STAU2: variants seen among roughly 807,000 people sequenced by gnomAD.
STAU2 encodes the protein double-stranded RNA-binding protein Staufen homolog 2.
A neutral mutation model predicts 65.9 loss-of-function variants in STAU2; 20 were observed. That is an observed-to-expected ratio of 0.30 (90% confidence interval 0.21 to 0.44). The LOEUF is 0.44. STAU2 is among the 20% of genes least tolerant of loss of function. The probability of loss-of-function intolerance (pLI) is 1.00; values close to 1 mark genes in which losing one functional copy is unlikely to be tolerated. For synonymous variants in STAU2, 232 were observed against 233.9 expected (o/e 0.99, Z 0.07); for missense variants, 558 against 683.9 (o/e 0.82, Z 2.05).
chr8:73,637,493 A>G (rs909668693), intron 6 of STAU2, among the ~76,000 whole-genome samples: 27 of 141,994 alleles, frequency 1.9e-4, no homozygotes, highest in Admixed American at 8.4e-4. Flanking sequence ...AAAAAAAAAA[A>G]AAAAAAAAAA....
At chr8:73,623,128 G>C (rs1813384721) in intron 6 of STAU2, among the ~76,000 whole-genome samples, 1 of 152,066 alleles carries the variant, frequency 6.6e-6, no homozygotes, top group Non-Finnish European at 1.5e-5. Flanking sequence ...TTGAGTAAAG[G>C]AAAGATTTTA....
chr8:73,429,506 C>T (rs186491293), intron 13 of STAU2, among the ~76,000 whole-genome samples: 166 of 134,692 alleles, frequency 1.2e-3, no homozygotes, highest in African/African-American at 4.4e-3. Flanking sequence ...GATCATGGCT[C>T]GCTGCAGCCT....
intron 3 of STAU2, among the ~76,000 whole-genome samples, chr8:73,724,102 C>T (rs1179810482): frequency 6.6e-6 from 1 of 152,194 alleles, no homozygotes; most frequent in African/African-American, 2.4e-5. Flanking sequence ...ATGTCACATC[C>T]TGGAAAATCT....
At chr8:73,664,554 T>C (rs1160359671) in intron 6 of STAU2, among the ~76,000 whole-genome samples, 2 of 152,250 alleles carry the variant, frequency 1.3e-5, no homozygotes, top group Non-Finnish European at 2.9e-5. Context: ...GATACTGATA[T>C]GGTTGTTCTC....
In STAU2 at chr8:73,617,274, C is replaced by A; in HGVS notation, c.570+18G>T. 1 of 1,610,352 alleles carries A rather than the reference C, an allele frequency of 6.2e-7. No homozygotes were observed. Among genetic ancestry groups the A allele is most frequent in the Middle Eastern group, 1.7e-4 (1 of 5,850 alleles). On this transcript the variant is annotated intron_variant, in intron 7 of 14. Coordinates refer to ENST00000524300, the MANE Select transcript of STAU2 (RefSeq NM_001164380.2). ...GGAAAGTAGAAAGAACAGACTGTCA[C>A]ATGCAGCAGCACCACACCTGAGGAG...
chr8:73,599,028 AC>A (rs1811428740), intron 10 of STAU2, among the ~76,000 whole-genome samples: 1 of 152,244 alleles, frequency 6.6e-6, no homozygotes, highest in Non-Finnish European at 1.5e-5. Flanking sequence ...TGAAGACAAT[AC>A]TAATGTAATA....
chr8:73,542,953 A>G (rs1268465532), intron 13 of STAU2, among the ~76,000 whole-genome samples: 1 of 152,158 alleles, frequency 6.6e-6, no homozygotes, highest in Admixed American at 6.5e-5. Context: ...AACTGGAAAC[A>G]TATGTCTGCA....
At chr8:73,658,269 G>A (rs1215334960) in intron 6 of STAU2, among the ~76,000 whole-genome samples, 1 of 152,112 alleles carries the variant, frequency 6.6e-6, no homozygotes, top group African/African-American at 2.4e-5. Context: ...TTGGGAGGGT[G>A]AGGCATGAGA....
intron 13 of STAU2, among the ~76,000 whole-genome samples, chr8:73,515,553 T>G (rs868613170): frequency 6.6e-6 from 1 of 152,072 alleles, no homozygotes; most frequent in Non-Finnish European, 1.5e-5. Flanking sequence ...CAAAAGATCA[T>G]AGAGTACAAA....
intron 12 of STAU2, among the ~76,000 whole-genome samples, chr8:73,573,214 C>A (rs1809245161): frequency 6.6e-6 from 1 of 152,184 alleles, no homozygotes; most frequent in Non-Finnish European, 1.5e-5. Context: ...AGGACCTCTT[C>A]AAGGAGAACT....
intron 6 of STAU2, chr8:73,672,502 A>G (rs1375330570): frequency 6.6e-6 from 1 of 152,136 alleles, no homozygotes. Context: ...AGTCATCAAG[A>G]GGTATACTTA....
At chr8:73,620,675 G>GT (rs758760927) in intron 6 of STAU2, among the ~76,000 whole-genome samples, 1 of 152,094 alleles carries the variant, frequency 6.6e-6, no homozygotes, top group Non-Finnish European at 1.5e-5. Context: ...TATTGTGTAA[G>GT]TATCAGAGGA....
chr8:73,592,643 G>T (rs968853392), intron 11 of STAU2, among the ~76,000 whole-genome samples: 2 of 152,170 alleles, frequency 1.3e-5, no homozygotes, highest in African/African-American at 4.8e-5. Flanking sequence ...CGGATCATTT[G>T]AGGTCAGGAG....
rs188151867 is a variant in STAU2 at position 73,644,259 on chromosome 8, T to C, written c.411-26808A>G. On this transcript the variant is annotated intron_variant, in intron 6 of 14. Transcript: ENST00000524300. Reference sequence around the variant, plus strand: ...ATACAATATATCAAAATTTGTGAGATGCAGAAGTGAGAAAAATTCATAACA... The same window carrying C: ...ATACAATATATCAAAATTTGTGAGACGCAGAAGTGAGAAAAATTCATAACA... Among the ~76,000 whole-genome samples the C allele has an allele frequency of 1.4e-4, 21 of 152,248 alleles. No homozygotes were observed. The East Asian group carries it at 3.9e-3, about 28-fold the overall frequency.
At chr8:73,585,669 G>C (rs1324515393) in intron 11 of STAU2, among the ~76,000 whole-genome samples, 2 of 152,188 alleles carry the variant, frequency 1.3e-5, no homozygotes, top group Non-Finnish European at 1.5e-5. Flanking sequence ...AACCCAGCAA[G>C]CACAAAGTAC....
upstream of STAU2, chr8:73,747,426 G>C (rs888557924): frequency 1.3e-6 from 2 of 1,535,146 alleles, no homozygotes; most frequent in Non-Finnish European, 1.7e-6. Flanking sequence ...TGCTGTGCAG[G>C]GGACGCGCGA....
At chr8:73,479,861 G>T (rs1820520133) in intron 13 of STAU2, among the ~76,000 whole-genome samples, 1 of 151,706 alleles carries the variant, frequency 6.6e-6, no homozygotes, top group Non-Finnish European at 1.5e-5. Flanking sequence ...ATATTAAAAT[G>T]AATCGCTTCA....
In STAU2 at chr8:73,494,167, TA is replaced by T. The variant is rs1480516523; in HGVS notation, c.1530+57844del. ...CTTAAGATTTGTACACTTTGTTGTTTATCTCAAAAGAAAAAAGGAACTCACG... is the reference window on the plus strand; with the variant it reads ...CTTAAGATTTGTACACTTTGTTGTTTTCTCAAAAGAAAAAAGGAACTCACG... On this transcript the variant is annotated intron_variant, in intron 13 of 14. Transcript: ENST00000524300. Among the ~76,000 whole-genome samples the T allele has an allele frequency of 2.0e-5, 3 of 151,764 alleles. No homozygotes were observed. In the East Asian group the frequency reaches 5.8e-4, roughly 29 times the overall value.
At chr8:73,545,943 G>A (rs190268313) in intron 13 of STAU2, among the ~76,000 whole-genome samples, 74 of 148,012 alleles carry the variant, frequency 5.0e-4, no homozygotes, top group Non-Finnish European at 9.3e-4. Flanking sequence ...CACCACACCT[G>A]GCCCTATTGA....
Sources: gnomAD v4.1 joint callset for allele counts (sites outside exome capture counted in the v4.1 genomes callset) on GRCh38, gnomAD v4.1.1 for gene constraint, MANE v1.5 for transcripts, NCBI Gene and HGNC (gene_info 2026-07-23, HGNC 2026-07-21) for gene names.